Variants in NRIP1 observed in about 807,000 individuals in gnomAD.
NRIP1 encodes the protein nuclear receptor interacting protein 1, also known as nuclear receptor-interacting protein 1.
A neutral mutation model predicts 75.0 loss-of-function variants in NRIP1; 28 were observed. The observed-to-expected ratio is 0.37, with a 90% CI of 0.28 to 0.51. NRIP1 has a LOEUF of 0.51. NRIP1 is among the 20% of genes least tolerant of loss of function. The probability of loss-of-function intolerance (pLI) is 0.92; values close to 1 mark genes in which losing one functional copy is unlikely to be tolerated. For synonymous variants in NRIP1, 526 were observed against 487.6 expected (o/e 1.08, Z -1.04); for missense variants, 1,435 against 1,343.7 (o/e 1.07, Z -1.06).
In NRIP1 at chr21:15,027,949, A is replaced by C. The variant is rs553466651; in HGVS notation, c.-457-13483T>G. Among the ~76,000 whole-genome samples the C allele has an allele frequency of 1.9e-3, 295 of 152,332 alleles. 1 individual carries two copies. Among genetic ancestry groups the C allele is most frequent in the African/African-American group, 6.5e-3 (269 of 41,582 alleles). Reference sequence around the variant, plus strand: ...TTATATGGTACTTCCATCTAAAAAAAATACAATTCAATTTTCTCAACAACC... The same window carrying C: ...TTATATGGTACTTCCATCTAAAAAACATACAATTCAATTTTCTCAACAACC... On this transcript the variant is annotated intron_variant, in intron 2 of 3. Transcript: ENST00000318948.
chr21:15,041,648 T>A (rs1164671637), intron 2 of NRIP1, among the ~76,000 whole-genome samples: 1 of 152,152 alleles, frequency 6.6e-6, no homozygotes, highest in African/African-American at 2.4e-5. Flanking sequence ...AGAATAACTA[T>A]CAACTCTATT....
Position 14,964,075 on chromosome 21 carries a change from G to A in NRIP1, c.*641C>T, listed in dbSNP as rs1044806662. ...CTCAATTGTAATCAATTTTTACTAA[G>A]TAGCACAAGGTTTAAAGAAATATAT... On this transcript the variant is annotated 3_prime_UTR_variant, in exon 4 of 4. Transcript: ENST00000318948. 1 of 152,380 alleles carries A rather than the reference G, an allele frequency of 6.6e-6. No individual in the cohort carries two copies. Among genetic ancestry groups the A allele is most frequent in the Non-Finnish European group, 1.5e-5 (1 of 67,966 alleles). 9.4% of individuals were successfully genotyped at this position (152,380 alleles called of 1,614,324 possible). A position where few individuals can be genotyped will look rare whatever the true frequency, so the allele number is the denominator to read the frequency against.
At chr21:15,012,743 G>A (rs1196398328) in intron 3 of NRIP1, among the ~76,000 whole-genome samples, 1 of 151,946 alleles carries the variant, frequency 6.6e-6, no homozygotes, top group Admixed American at 6.5e-5. Flanking sequence ...GAGACACCAT[G>A]CCTGGCTGTC....
Position 14,964,020 on chromosome 21 carries a change from CCTT to C in NRIP1, c.*693_*695del, listed in dbSNP as rs1361064081. ...TTAAAATACAAAAAATGGAAATCTG[CCTT>C]TTTTTTAAAGGATCTATCAAACTTC... On this transcript the variant is annotated 3_prime_UTR_variant, in exon 4 of 4. Coordinates refer to ENST00000318948, the MANE Select transcript of NRIP1 (RefSeq NM_003489.4). 9 of 152,436 alleles carry C rather than the reference CCTT, an allele frequency of 5.9e-5. No homozygotes were observed. In the South Asian group the frequency reaches 1.9e-3, roughly 32 times the overall value. The allele number at this position is 152,436 out of a possible 1,614,324, so 9.4% of individuals were successfully genotyped here. A position where few individuals can be genotyped will look rare whatever the true frequency, so the allele number is the denominator to read the frequency against.
At chr21:15,004,631 C>G (rs564118104) in intron 3 of NRIP1, among the ~76,000 whole-genome samples, 4 of 152,364 alleles carry the variant, frequency 2.6e-5, no homozygotes, top group African/African-American at 9.6e-5. Flanking sequence ...TGTTCATGGA[C>G]ATGGTTTCAT....
At chr21:14,968,999 T>C (rs745832874) in intron 3 of NRIP1, among the ~76,000 whole-genome samples, 9 of 152,072 alleles carry the variant, frequency 5.9e-5, no homozygotes, top group Non-Finnish European at 1.2e-4. Flanking sequence ...TGATGTGGGG[T>C]TGAGGCCAAC....
chr21:14,964,502 C>A lies in NRIP1; in HGVS notation c.*214G>T. The A allele has an allele frequency of 2.3e-6, 1 of 429,336 alleles. No homozygotes were observed. The highest frequency in any genetic ancestry group is 3.6e-5 in the East Asian group (1 of 27,918). 26.6% of individuals were successfully genotyped at this position (429,336 alleles called of 1,614,324 possible). ...ATCTGATGCATACAGAAGTGTTAAACAACCAATTGCTAGTTCAGTAGTTTC... is the reference window on the plus strand; with the variant it reads ...ATCTGATGCATACAGAAGTGTTAAAAAACCAATTGCTAGTTCAGTAGTTTC... On this transcript the variant is annotated 3_prime_UTR_variant, in exon 4 of 4. Transcript: ENST00000318948.
intron 3 of NRIP1, chr21:14,992,195 T>C (rs1428653893): frequency 6.6e-6 from 1 of 152,150 alleles, no homozygotes; most frequent in East Asian, 1.9e-4. Flanking sequence ...CGTGCCACCA[T>C]GCTTGGCTAA....
At chr21:14,978,922 T>A (rs1044264893) in intron 3 of NRIP1, among the ~76,000 whole-genome samples, 1 of 147,830 alleles carries the variant, frequency 6.8e-6, no homozygotes, top group African/African-American at 2.4e-5. Flanking sequence ...TTCTGGATGC[T>A]GTACTTCACT....
Position 14,970,973 on chromosome 21 carries a change from T to C in NRIP1, c.-334-2447A>G, listed in dbSNP as rs575411243. Among the ~76,000 whole-genome samples, 3 of 151,190 alleles carry C rather than the reference T, an allele frequency of 2.0e-5. No homozygotes were observed. In the East Asian group the frequency reaches 5.8e-4, roughly 29 times the overall value. On this transcript the variant is annotated intron_variant, in intron 3 of 3. Transcript: ENST00000318948. ...GTAAAGGAGCTCTAACACTGTATTT[T>C]ACCATTTATTTACCTCTCTACCATT...
At chr21:15,055,922 G>T (rs1037150089) in intron 1 of NRIP1, among the ~76,000 whole-genome samples, 7 of 151,658 alleles carry the variant, frequency 4.6e-5, no homozygotes, top group South Asian at 4.2e-4. Context: ...TGTATCACAT[G>T]GATCCCCTGG....
intron 2 of NRIP1, among the ~76,000 whole-genome samples, chr21:15,030,902 C>T (rs1330763590): frequency 6.8e-6 from 1 of 147,644 alleles, no homozygotes; most frequent in Admixed American, 6.7e-5. Flanking sequence ...CTCGGAGGAT[C>T]ACCACATTCC....
At chr21:15,009,521 C>T (rs2088052043) in intron 3 of NRIP1, among the ~76,000 whole-genome samples, 1 of 152,164 alleles carries the variant, frequency 6.6e-6, no homozygotes, top group Admixed American at 6.5e-5. Flanking sequence ...AGGCAGGGAA[C>T]ACCATTTTTA....
intron 3 of NRIP1, among the ~76,000 whole-genome samples, chr21:14,996,596 T>C (rs1177462339): frequency 6.6e-6 from 1 of 152,202 alleles, no homozygotes; most frequent in Non-Finnish European, 1.5e-5. Context: ...TGTCATTTTT[T>C]GTGCTTGCTT....
At position 14,965,578 on chromosome 21, in the gene NRIP1, T is replaced by C; in HGVS notation, c.2615A>G (p.Lys872Arg). 1 of 1,614,072 alleles carries C rather than the reference T, an allele frequency of 6.2e-7. No individual in the cohort carries two copies. Reference sequence around the variant, plus strand: ...AGCATCAACAATGTTGTTTTTCATCTTTTTAAATGGATTTTCTAATGGCTC... The same window carrying C: ...AGCATCAACAATGTTGTTTTTCATCCTTTTAAATGGATTTTCTAATGGCTC... Reference protein sequence around the residue: ...YTEPLENPFKKMKNNIVDAAN... With the variant: ...YTEPLENPFKRMKNNIVDAAN... The change falls in exon 4 of 4, where the codon AAG (lysine) becomes AGG (arginine). Residue 872 changes from lysine to arginine, a missense_variant. Physicochemically the swap from Lys to Arg is conservative, Grantham distance 26 (BLOSUM62 2). Transcript: ENST00000318948.
intron 2 of NRIP1, 83 bp from the exon 3 acceptor site, chr21:15,014,549 T>G (rs1226144612): frequency 2.5e-6 from 1 of 397,954 alleles, no homozygotes; most frequent in Non-Finnish European, 4.4e-6. Context: ...ACTTATCCCA[T>G]TACCTTTTCT....
At position 14,965,055 on chromosome 21, in the gene NRIP1, G is replaced by A; in HGVS notation, c.3138C>T (p.Ile1046=). The change falls in exon 4 of 4, where the codon ATC becomes ATT. Residue 1046 remains isoleucine (I), a synonymous_variant. Transcript: ENST00000318948. ...PSEKGPIKWV[I]TDAEKNEYEK... The stretch of plus-strand genomic sequence containing the variant: ...CATACTCATTCTTCTCCGCATCAGT[G>A]ATAACCCACTTAATGGGTCCTTTCT... 3.1e-6 allele frequency: 5 copies of A among 1,613,862 alleles called. No individual in the cohort carries two copies. The highest frequency in any genetic ancestry group is 1.1e-5 in the South Asian group (1 of 91,078).
At chr21:15,037,443 C>A (rs2147294969) in intron 2 of NRIP1, among the ~76,000 whole-genome samples, 1 of 152,270 alleles carries the variant, frequency 6.6e-6, no homozygotes, top group African/African-American at 2.4e-5. Flanking sequence ...AAGTTGAGTG[C>A]TTTGTAAGTC....
intron 2 of NRIP1, among the ~76,000 whole-genome samples, chr21:15,015,399 C>T (rs1039555791): frequency 6.6e-6 from 1 of 151,950 alleles, no homozygotes. Flanking sequence ...AATTATACCT[C>T]GATAAAACTG....
Sources: gnomAD v4.1 joint callset for allele counts (sites outside exome capture counted in the v4.1 genomes callset) on GRCh38, gnomAD v4.1.1 for gene constraint, MANE v1.5 for transcripts, NCBI Gene and HGNC (gene_info 2026-07-23, HGNC 2026-07-21) for gene names.